Variants in MAK observed in about 807,000 individuals in gnomAD.
MAK encodes serine/threonine-protein kinase MAK.
In MAK, 65 loss-of-function variants were observed where a neutral mutation model predicts 82.6. The ratio of observed to expected loss-of-function variants is 0.79; its 90% CI spans 0.64 to 0.97. The LOEUF (loss-of-function observed/expected upper bound fraction) is 0.97. MAK is among the 50% of genes least tolerant of loss of function. MAK has a pLI of 0.00. For synonymous variants in MAK, 250 were observed against 274.2 expected, an observed-to-expected ratio of 0.91 and a Z score of 0.87; for missense variants, 703 against 780.2, an observed-to-expected ratio of 0.90 and a Z score of 1.18.
rs145014649 is a variant in MAK, at chr6:10,796,166, C to T, written c.975G>A (p.Pro325=). 1,834 of 1,614,150 alleles carry T rather than the reference C, an allele frequency of 1.1e-3. 3 individuals carry two copies. Among genetic ancestry groups the T allele is most frequent in the Non-Finnish European group, 1.4e-3 (1,658 of 1,180,028 alleles). ...SLVEVEPKPL[P]DIIDQVVGQP... is the part of the protein sequence containing the mutation. The stretch of plus-strand genomic sequence containing the variant: ...GTCCAACAACCTGATCGATTATATC[C>T]GGCAGAGGCTTAGGCTCTACCTCAA... The change falls in exon 9 of 15, where the codon CCG becomes CCA. Residue 325 remains proline, a synonymous_variant. Transcript: ENST00000354489.
At chr6:10,777,868 C>T (rs1344987378) in intron 11 of MAK, among the ~76,000 whole-genome samples, 1 of 152,116 alleles carries the variant, frequency 6.6e-6, no homozygotes, top group African/African-American at 2.4e-5. Flanking sequence ...GGACTCCCAA[C>T]CTCAGGTGAT....
chr6:10,772,535 G>A (rs1449879059), intron 13 of MAK, among the ~76,000 whole-genome samples: 6 of 151,294 alleles, frequency 4.0e-5, no homozygotes, highest in African/African-American at 9.8e-5. Flanking sequence ...GTAGAGACAC[G>A]GGTTTCATCA....
In MAK at chr6:10,830,600, T is replaced by G; in HGVS notation, c.49A>C (p.Ser17Arg). 6.2e-7 allele frequency: 1 copy of G among 1,614,188 alleles called. No individual in the cohort carries two copies. The highest frequency in any genetic ancestry group is 8.5e-7 in the Non-Finnish European group (1 of 1,180,022). ...TCATTACTCTTGCCCATAAGCACAC[T>G]CCCATACGTGCCGTCCCCCAACTGT... ...MRQLGDGTYGSVLMGKSNESG... is the reference protein window; with the variant it reads ...MRQLGDGTYGRVLMGKSNESG... Residue 17 changes from serine to arginine, a missense_variant, in exon 2 of 15, where the codon AGT becomes CGT. Ser to Arg is a moderately radical substitution (Grantham distance 110, BLOSUM62 -1). Coordinates refer to ENST00000354489, the MANE Select transcript of MAK (RefSeq NM_001242957.3).
At chr6:10,822,793 A>T (rs911623215) in intron 2 of MAK, among the ~76,000 whole-genome samples, 2 of 152,186 alleles carry the variant, frequency 1.3e-5, no homozygotes, top group Admixed American at 1.3e-4. Context: ...CAGAAATAGA[A>T]CTACCTCTCA....
At chr6:10,768,671 T>C (rs1366210249) in intron 14 of MAK, among the ~76,000 whole-genome samples, 1 of 152,244 alleles carries the variant, frequency 6.6e-6, no homozygotes, top group Non-Finnish European at 1.5e-5. Flanking sequence ...CTGCTGTATA[T>C]AAAATGTTTA....
At chr6:10,782,492 T>G (rs1376725089) in intron 11 of MAK, among the ~76,000 whole-genome samples, 1 of 151,974 alleles carries the variant, frequency 6.6e-6, no homozygotes, top group Admixed American at 6.6e-5. Context: ...TTCTGTTTTC[T>G]CTCCCATTCA....
chr6:10,789,664 CTTTT>C (rs991186612), intron 10 of MAK, among the ~76,000 whole-genome samples: 1 of 151,916 alleles, frequency 6.6e-6, no homozygotes, highest in East Asian at 1.9e-4. Flanking sequence ...TCAAAAATAT[CTTTT>C]TTTTGTTTTG....
At chr6:10,828,678 C>A (rs1778554884) in intron 2 of MAK, among the ~76,000 whole-genome samples, 1 of 151,908 alleles carries the variant, frequency 6.6e-6, no homozygotes, top group Non-Finnish European at 1.5e-5. Flanking sequence ...GCCTACAGTC[C>A]CAACTACTCT....
In MAK at chr6:10,791,130, A is replaced by C. The variant is rs186058573; in HGVS notation, c.1316+545T>G. On this transcript the variant is annotated intron_variant, in intron 10 of 14. Coordinates refer to ENST00000354489, the MANE Select transcript of MAK (RefSeq NM_001242957.3). ...GTAAAAACGGACTGACACACTCTCT[A>C]CACACACACACAGACACACACACCC... Among the ~76,000 whole-genome samples, 733 of 151,724 alleles carry C rather than the reference A, an allele frequency of 4.8e-3. 6 individuals carry two copies. Among genetic ancestry groups the C allele is most frequent in the Middle Eastern group, 0.014 (4 of 294 alleles).
At chr6:10,790,404 C>G (rs1278049501) in intron 10 of MAK, among the ~76,000 whole-genome samples, 2 of 149,280 alleles carry the variant, frequency 1.3e-5, no homozygotes, top group Non-Finnish European at 3.0e-5. Context: ...TCTTCTGTTT[C>G]AAAGAGGAAA....
chr6:10,797,204 T>G (rs1482712448), intron 8 of MAK, among the ~76,000 whole-genome samples: 1 of 152,024 alleles, frequency 6.6e-6, no homozygotes, highest in Non-Finnish European at 1.5e-5. Flanking sequence ...AGAGAAGACA[T>G]TTATGGGAAG....
Position 10,803,773 on chromosome 6 carries a change from T to C in MAK, c.610A>G (p.Ser204Gly), listed in dbSNP as rs1776196265. 6.2e-7 allele frequency: 1 copy of C among 1,614,164 alleles called. No individual in the cohort carries two copies. Among genetic ancestry groups the C allele is most frequent in the Non-Finnish European group, 8.5e-7 (1 of 1,180,032 alleles). Reference sequence around the variant, plus strand: ...ATTTTAAAGATTTCATCGACCTCACTTGTCCCTGGGAAAAGTGGCCTTAAC... The same window carrying C: ...ATTTTAAAGATTTCATCGACCTCACCTGTCCCTGGGAAAAGTGGCCTTAAC... Reference protein sequence around the residue: ...YMLRPLFPGTSEVDEIFKICQ... With the variant: ...YMLRPLFPGTGEVDEIFKICQ... The change falls in exon 7 of 15, where the codon AGT becomes GGT. Residue 204 changes from serine (S) to glycine (G), a missense_variant. Ser to Gly is a moderately conservative substitution (Grantham distance 56, BLOSUM62 0). Coordinates refer to ENST00000354489, the MANE Select transcript of MAK (RefSeq NM_001242957.3).
chr6:10,792,189 C>G (rs528418950), intron 9 of MAK, among the ~76,000 whole-genome samples: 2 of 152,136 alleles, frequency 1.3e-5, no homozygotes, highest in Non-Finnish European at 2.9e-5. Context: ...GCCTTAGTGT[C>G]CTCCTTAAGT....
At chr6:10,837,458 G>C (rs1249710801) in intron 1 of MAK, among the ~76,000 whole-genome samples, 1 of 152,220 alleles carries the variant, frequency 6.6e-6, no homozygotes, top group African/African-American at 2.4e-5. Flanking sequence ...TGGCGCGGTT[G>C]GGGGAACTTT....
At chr6:10,806,593 G>A (rs1182894907) in intron 6 of MAK, among the ~76,000 whole-genome samples, 1 of 145,558 alleles carries the variant, frequency 6.9e-6, no homozygotes, top group African/African-American at 2.6e-5. Flanking sequence ...TCCTGACCTC[G>A]TGATCCACCT....
At chr6:10,804,540 C>T (rs1191178919) in intron 6 of MAK, among the ~76,000 whole-genome samples, 3 of 152,068 alleles carry the variant, frequency 2.0e-5, no homozygotes, top group Non-Finnish European at 4.4e-5. Flanking sequence ...ACGGGGTTTC[C>T]CCATGTTGGC....
chr6:10,791,678 A>G lies in MAK; in HGVS notation c.1313T>C (p.Phe438Ser). The G allele has an allele frequency of 6.2e-7, 1 of 1,612,440 alleles. No individual in the cohort carries two copies. The highest frequency in any genetic ancestry group is 8.5e-7 in the Non-Finnish European group (1 of 1,179,440). ...TCTGAGGAATTTGAAATCTTACCGA[A>G]ATGGAGAATCTTTTTTCCTTTTTTC... Reference protein sequence around the residue: ...FKEKRKKDSPFRLPEPVPSGS... With the variant: ...FKEKRKKDSPSRLPEPVPSGS... Residue 438 changes from phenylalanine (F) to serine (S), a missense_variant, in exon 10 of 15, where the codon TTT becomes TCT. Coordinates refer to ENST00000354489, the MANE Select transcript of MAK (RefSeq NM_001242957.3).
At chr6:10,810,372 G>C (rs1462725284) in intron 5 of MAK, among the ~76,000 whole-genome samples, 4 of 135,450 alleles carry the variant, frequency 3.0e-5, no homozygotes, top group Non-Finnish European at 3.1e-5. Context: ...TTTGTTTTGA[G>C]ACGGAGTCTT....
chr6:10,813,126 ATATATATAAATTTTTTTTTT>A (rs1777155282), intron 5 of MAK, among the ~76,000 whole-genome samples: 3 of 682 alleles, frequency 4.4e-3, no homozygotes, highest in African/African-American at 8.5e-3. Flanking sequence ...ATATATATAT[ATATATATAAATTTTTTTTTT>A]TTTTTTTTTT....
Sources: allele counts gnomAD v4.1 joint callset (sites outside exome capture counted in the v4.1 genomes callset), GRCh38; gene constraint gnomAD v4.1.1; transcripts MANE v1.5; gene names NCBI Gene and HGNC (gene_info 2026-07-23, HGNC 2026-07-21).